MAF: variants seen among roughly 807,000 people sequenced by gnomAD.
The protein encoded by MAF is transcription factor Maf.
In MAF, 10 loss-of-function variants were observed where a neutral mutation model predicts 22.0. That is an observed-to-expected ratio of 0.45 (90% CI 0.28 to 0.77). The LOEUF (loss-of-function observed/expected upper bound fraction) is 0.77, where lower values mean the gene tolerates loss of function less well. Ranked by LOEUF, MAF falls within the 30% of genes least tolerant of loss-of-function variation. The pLI, the probability that MAF is intolerant of heterozygous loss-of-function variation, is 0.12. For missense variants in MAF, 544 were observed against 548.4 expected (o/e 0.99, Z 0.08); for synonymous variants, 337 against 255.8 (o/e 1.32, Z -3.03).
chr16:79,564,009 C>T, the MAF span, among the ~76,000 whole-genome samples: 5 of 152,340 alleles, frequency 3.3e-5, no homozygotes, highest in African/African-American at 7.2e-5. Flanking sequence ...CATAATTCCA[C>T]GTATTTCAAA....
the MAF span, among the ~76,000 whole-genome samples, chr16:79,349,534 T>C: frequency 6.6e-6 from 1 of 152,176 alleles, no homozygotes; most frequent in African/African-American, 2.4e-5. Flanking sequence ...ACTCTGGAAC[T>C]AACCACCAGC....
At chr16:79,511,982 G>T in the MAF span, among the ~76,000 whole-genome samples, 1 of 152,156 alleles carries the variant, frequency 6.6e-6, no homozygotes, top group Non-Finnish European at 1.5e-5. Flanking sequence ...CATCTCAGGG[G>T]ACAGAGTTGA....
chr16:79,563,350 A>G, the MAF span, among the ~76,000 whole-genome samples: 21 of 152,316 alleles, frequency 1.4e-4, 1 homozygote, highest in African/African-American at 4.3e-4. Context: ...GACTCTAACT[A>G]CTTTGTGTTT....
chr16:79,412,394 C>A, the MAF span, among the ~76,000 whole-genome samples: 1 of 152,146 alleles, frequency 6.6e-6, no homozygotes, highest in Non-Finnish European at 1.5e-5. Flanking sequence ...TCTGTGTTTC[C>A]TCCATTGTGA....
the MAF span, among the ~76,000 whole-genome samples, chr16:79,562,864 C>A: frequency 1.3e-5 from 2 of 152,212 alleles, no homozygotes; most frequent in African/African-American, 4.8e-5. Flanking sequence ...ATTCAGGCCC[C>A]TCCCCAGGTC....
At chr16:79,276,937 C>T in the MAF span, among the ~76,000 whole-genome samples, 1 of 152,128 alleles carries the variant, frequency 6.6e-6, no homozygotes, top group Non-Finnish European at 1.5e-5. Context: ...CAATCCTTGA[C>T]GTACTCTGGC....
the MAF span, among the ~76,000 whole-genome samples, chr16:79,299,759 C>G: frequency 2.6e-5 from 4 of 152,214 alleles, no homozygotes; most frequent in Admixed American, 6.5e-5. Flanking sequence ...CATGGGTGCC[C>G]GTGTGTTCCA....
the MAF span, among the ~76,000 whole-genome samples, chr16:79,542,090 G>C: frequency 2.6e-5 from 4 of 152,168 alleles, no homozygotes; most frequent in African/African-American, 9.7e-5. Context: ...AAGCGTTTCA[G>C]TCTTTGGTGA....
chr16:79,422,923 C>G, the MAF span, among the ~76,000 whole-genome samples: 2 of 152,054 alleles, frequency 1.3e-5, no homozygotes, highest in African/African-American at 2.4e-5. Context: ...AATAAGATAA[C>G]TTCAGATAAG....
the MAF span, among the ~76,000 whole-genome samples, chr16:79,456,649 T>C: frequency 3.3e-5 from 5 of 152,190 alleles, no homozygotes; most frequent in African/African-American, 4.8e-5. Flanking sequence ...AGCTAACAGA[T>C]GACAGAAGTC....
the MAF span, among the ~76,000 whole-genome samples, chr16:79,448,910 C>A: frequency 1.6e-4 from 24 of 152,128 alleles, 1 homozygote; most frequent in Non-Finnish European, 3.5e-4. Context: ...GGGGATGCTT[C>A]AAGCACATTA....
the MAF span, among the ~76,000 whole-genome samples, chr16:79,463,805 G>A: frequency 1.3e-5 from 2 of 151,462 alleles, no homozygotes; most frequent in Non-Finnish European, 2.9e-5. Context: ...TCTTGAGGTA[G>A]TAGATCCCCC....
chr16:79,469,366 C>T, the MAF span, among the ~76,000 whole-genome samples: 2 of 152,144 alleles, frequency 1.3e-5, no homozygotes, highest in African/African-American at 2.4e-5. Flanking sequence ...AACATAAGCT[C>T]GGGATTCAGA....
the MAF span, among the ~76,000 whole-genome samples, chr16:79,426,807 G>C: frequency 1.3e-5 from 2 of 152,232 alleles, no homozygotes; most frequent in Non-Finnish European, 2.9e-5. Flanking sequence ...GGGTCTGTTA[G>C]CAGGAAGGCT....
At chr16:79,527,640 G>A in the MAF span, among the ~76,000 whole-genome samples, 2 of 151,054 alleles carry the variant, frequency 1.3e-5, no homozygotes, top group Admixed American at 1.3e-4. Context: ...CAATCATTAA[G>A]GGGGGGGTCC....
chr16:79,560,007 C>A, the MAF span, among the ~76,000 whole-genome samples: 1 of 152,182 alleles, frequency 6.6e-6, no homozygotes, highest in Non-Finnish European at 1.5e-5. Flanking sequence ...GGGGCTCAAG[C>A]AATCCTCCTG....
chr16:79,267,672 T>G, the MAF span, among the ~76,000 whole-genome samples: 1 of 152,148 alleles, frequency 6.6e-6, no homozygotes, highest in East Asian at 1.9e-4. Context: ...CACTTCATCT[T>G]TGTGAGCCTC....
the MAF span, among the ~76,000 whole-genome samples, chr16:79,266,183 G>A: frequency 6.6e-6 from 1 of 152,096 alleles, no homozygotes; most frequent in Non-Finnish European, 1.5e-5. Flanking sequence ...CAGAATTCAT[G>A]TCTTGAGGGA....
At chr16:79,595,530 A>G (rs1478770239) in intron 1 of MAF, 1 of 1,060,056 alleles carries the variant, frequency 9.4e-7, no homozygotes, top group Non-Finnish European at 1.1e-6. Context: ...AAGATGACTA[A>G]GAGTGCAAAC....
Sources: gnomAD v4.1 joint callset for allele counts (sites outside exome capture counted in the v4.1 genomes callset) on GRCh38, gnomAD v4.1.1 for gene constraint, MANE v1.5 for transcripts, NCBI Gene and HGNC (gene_info 2026-07-23, HGNC 2026-07-21) for gene names.